The following DNAH17 variants were observed in gnomAD, a reference collection of about 807,000 sequenced individuals.
DNAH17 encodes the protein dynein axonemal heavy chain 17.
A neutral mutation model predicts 485.6 loss-of-function variants in DNAH17; 376 were observed. That is an observed-to-expected ratio of 0.77 (90% CI 0.71 to 0.84). DNAH17 has a LOEUF of 0.84. Among genes scored for constraint, DNAH17 ranks in the 40% least tolerant of loss-of-function variants. The probability of loss-of-function intolerance (pLI) is 0.00; values close to 1 mark genes in which losing one functional copy is unlikely to be tolerated. For missense variants in DNAH17, 6,370 were observed against 5,839.3 expected, an observed-to-expected ratio of 1.09 and a Z score of -2.96; for synonymous variants, 3,031 against 2,405.9, an observed-to-expected ratio of 1.26 and a Z score of -7.60.
In DNAH17 at chr17:78,454,606, T is replaced by C. The variant is rs777901355; in HGVS notation, c.10270A>G (p.Met3424Val). The change falls in exon 64 of 81, where the codon ATG (methionine) becomes GTG (valine). Residue 3424 changes from methionine to valine, a missense_variant. By Grantham distance (21) the Met-to-Val change is conservative (BLOSUM62 1). Transcript: ENST00000389840. ...AGGATGGTGGCATTCTCGGTGGACA[T>C]GCGGTCGCTGGGGAGGCCCTGGTTG... Reference protein sequence around the residue: ...WNNQGLPSDRMSTENATILGN... With the variant: ...WNNQGLPSDRVSTENATILGN... The C allele has an allele frequency of 1.9e-6, 3 of 1,611,780 alleles. No individual in the cohort carries two copies. Among genetic ancestry groups the C allele is most frequent in the South Asian group, 1.1e-5 (1 of 90,948 alleles).
chr17:78,424,246 C>T (rs1394735803), intron 80 of DNAH17, 93 bp from the exon 81 acceptor site: 6 of 1,453,754 alleles, frequency 4.1e-6, no homozygotes, highest in Non-Finnish European at 5.5e-6. Flanking sequence ...TCCCCGCCCT[C>T]TGCAGAGCTG....
chr17:78,531,233 G>A (rs573405103), intron 20 of DNAH17, among the ~76,000 whole-genome samples: 22 of 151,952 alleles, frequency 1.4e-4, no homozygotes, highest in Non-Finnish European at 2.2e-4. Context: ...GGTGCTGGGC[G>A]CATAGATATG....
intron 69 of DNAH17, among the ~76,000 whole-genome samples, chr17:78,448,408 T>C (rs921639130): frequency 1.3e-5 from 2 of 152,102 alleles, no homozygotes; most frequent in African/African-American, 4.8e-5. Flanking sequence ...ATGCCTGTAG[T>C]CCCAGCTACT....
chr17:78,573,792 T>TTCAACC (rs148968721), intron 2 of DNAH17, among the ~76,000 whole-genome samples: 6,149 of 152,018 alleles, frequency 0.04, 167 homozygotes, highest in Admixed American at 0.068. Context: ...CACCTTCAAC[T>TTCAACC]TCAACCTCTA....
At chr17:78,440,063 A>G (rs1161287118) in intron 72 of DNAH17, among the ~76,000 whole-genome samples, 1 of 151,780 alleles carries the variant, frequency 6.6e-6, no homozygotes, top group East Asian at 1.9e-4. Context: ...CCTCCAGAGT[A>G]GCTGGGACCA....
At chr17:78,529,422 G>A in intron 22 of DNAH17, 50 bp downstream of exon 22, 2 of 1,590,102 alleles carry the variant, frequency 1.3e-6, no homozygotes, top group South Asian at 1.1e-5. Context: ...TCGCGGCCGG[G>A]ATGGCTCTCC....
rs746476913 is a variant in DNAH17, at chr17:78,460,047, T to A, written c.9436-46A>T. ...GGGTCCGATGGGAGTTTGGACCGGG[T>A]CCTCGGTGATGCCCCGAAGAAGCCG... On this transcript the variant is annotated intron_variant, in intron 59 of 80. Transcript: ENST00000389840. 28 of 1,605,276 alleles carry A rather than the reference T, an allele frequency of 1.7e-5. No individual in the cohort carries two copies. The South Asian group carries it at 3.0e-4, about 17-fold the overall frequency.
intron 62 of DNAH17, among the ~76,000 whole-genome samples, chr17:78,456,916 C>A (rs759194145): frequency 6.6e-6 from 1 of 152,198 alleles, no homozygotes. Context: ...AGCTTGCAGG[C>A]CTGGAACAGA....
intron 54 of DNAH17, among the ~76,000 whole-genome samples, chr17:78,469,821 C>T (rs79411773): frequency 0.014 from 2,107 of 152,160 alleles, 59 homozygotes; most frequent in African/African-American, 0.047. Context: ...AAGCCAGACA[C>T]GAAAGGACAA....
chr17:78,574,108 A>C (rs1036448027), intron 2 of DNAH17, among the ~76,000 whole-genome samples: 1 of 152,204 alleles, frequency 6.6e-6, no homozygotes, highest in Non-Finnish European at 1.5e-5. Flanking sequence ...ACAGCATGGC[A>C]GTCTCAATGC....
rs1254682946 is a variant in DNAH17 at position 78,539,758 on chromosome 17, T to C, written c.2655A>G (p.Leu885=). The C allele has an allele frequency of 3.7e-6, 6 of 1,611,512 alleles. No homozygotes were observed. Among genetic ancestry groups the C allele is most frequent in the Non-Finnish European group, 5.1e-6 (6 of 1,179,354 alleles). ...TTACATCTATAACCATGTTGTCCAT[T>C]AGGAAACTCAGAGATTTGCGAATGA... The part of the protein sequence containing the change: ...DQFIRKSLSF[L]MDNMVIDESI... The change falls in exon 18 of 81, where the codon CTA becomes CTG. Residue 885 remains leucine, a synonymous_variant. Transcript: ENST00000389840.
At chr17:78,546,888 G>A (rs1314178228) in intron 16 of DNAH17, among the ~76,000 whole-genome samples, 3 of 147,244 alleles carry the variant, frequency 2.0e-5, no homozygotes, top group Non-Finnish European at 4.5e-5. Context: ...CTGGGTGACA[G>A]AGTAAGACTC....
At chr17:78,454,279 G>A (rs2087690180) in intron 64 of DNAH17, among the ~76,000 whole-genome samples, 191 bp downstream of exon 64, 1 of 152,198 alleles carries the variant, frequency 6.6e-6, no homozygotes. Flanking sequence ...GCAGGTGATG[G>A]GGACAGGGGA....
chr17:78,429,018 G>A (rs956622101), intron 76 of DNAH17, 103 bp downstream of exon 76: 74 of 1,308,076 alleles, frequency 5.7e-5, no homozygotes, highest in East Asian at 7.0e-5. Flanking sequence ...TTGGCTGCCT[G>A]GGTTCTTGCT....
intron 25 of DNAH17, 66 bp downstream of exon 25, chr17:78,524,943 C>G (rs1230946874): frequency 1.3e-6 from 2 of 1,548,340 alleles, no homozygotes; most frequent in South Asian, 2.4e-5. Flanking sequence ...AGCCTGCCCT[C>G]TTGTTGCCGG....
chr17:78,458,933 G>C (rs1455113534), intron 61 of DNAH17, 68 bp downstream of exon 61: 1 of 1,514,250 alleles, frequency 6.6e-7, no homozygotes, highest in Non-Finnish European at 9.1e-7. Flanking sequence ...TTTCAACAGA[G>C]GTATTGACTG....
At chr17:78,537,241 A>C in intron 19 of DNAH17, 58 bp downstream of exon 19, 8 of 1,513,474 alleles carry the variant, frequency 5.3e-6, no homozygotes, top group Non-Finnish European at 7.2e-6. Flanking sequence ...GGGCGGCAAC[A>C]CCAAATGGGG....
Position 78,526,694 on chromosome 17 carries a change from G to C in DNAH17, c.3668C>G (p.Pro1223Arg). ...EFRERFRREA[P>R]FSFSDPNPYK... ...GGGGTTGGGGTCGCTGAAGGAGAAC[G>C]GGGCCTCGCGCCTGAACCTCTCCCT... The change falls in exon 24 of 81, where the codon CCG (proline) becomes CGG (arginine). Residue 1223 changes from proline to arginine, a missense_variant. By Grantham distance (103) the Pro-to-Arg change is moderately radical. Transcript: ENST00000389840. The C allele has an allele frequency of 6.2e-7, 1 of 1,611,144 alleles. No individual in the cohort carries two copies. The highest frequency in any genetic ancestry group is 1.1e-5 in the South Asian group (1 of 90,882).
chr17:78,485,269 G>C, intron 47 of DNAH17: 1 of 636,348 alleles, frequency 1.6e-6, no homozygotes. Flanking sequence ...CGTCACCTTT[G>C]GGTCGCCTTA....
Sources: gnomAD v4.1 joint callset for allele counts (sites outside exome capture counted in the v4.1 genomes callset) on GRCh38, gnomAD v4.1.1 for gene constraint, MANE v1.5 for transcripts, NCBI Gene and HGNC (gene_info 2026-07-23, HGNC 2026-07-21) for gene names.